GAP43: variants seen among roughly 807,000 people sequenced by gnomAD.
The protein encoded by GAP43 is neuromodulin.
In GAP43, 6 loss-of-function variants were observed where a neutral mutation model predicts 18.6. The ratio of observed to expected loss-of-function variants is 0.32; its 90% CI spans 0.18 to 0.64. The LOEUF (loss-of-function observed/expected upper bound fraction) is 0.64, where lower values mean the gene tolerates loss of function less well. GAP43 is among the 30% of genes least tolerant of loss of function. The probability of loss-of-function intolerance (pLI) is 0.78; values close to 1 mark genes in which losing one functional copy is unlikely to be tolerated. For synonymous variants in GAP43, 115 were observed against 111.4 expected (o/e 1.03, Z -0.20); for missense variants, 292 against 295.5 (o/e 0.99, Z 0.09).
chr3:115,703,454 T>C (rs561525388), intron 2 of GAP43, among the ~76,000 whole-genome samples: 7 of 152,054 alleles, frequency 4.6e-5, no homozygotes, highest in Non-Finnish European at 1.5e-5. Context: ...TGGAATAATT[T>C]ACAGAAGAGC....
At chr3:115,681,774 T>A (rs1708960938) in intron 2 of GAP43, among the ~76,000 whole-genome samples, 1 of 152,236 alleles carries the variant, frequency 6.6e-6, no homozygotes, top group Non-Finnish European at 1.5e-5. Context: ...TTAATCATCA[T>A]AACCACTCTG....
chr3:115,633,234 G>A (rs1306081351), intron 1 of GAP43, among the ~76,000 whole-genome samples: 1 of 151,996 alleles, frequency 6.6e-6, no homozygotes, highest in African/African-American at 2.4e-5. Context: ...GGGAGAGAGG[G>A]ACAGAGGGAG....
At chr3:115,625,277 T>C (rs565762284) in intron 1 of GAP43, among the ~76,000 whole-genome samples, 1 of 143,724 alleles carries the variant, frequency 7.0e-6, no homozygotes, top group Non-Finnish European at 1.5e-5. Flanking sequence ...AAAAGTCGGA[T>C]AGTGGGGGAT....
intron 2 of GAP43, among the ~76,000 whole-genome samples, chr3:115,693,532 A>G (rs920553254): frequency 2.6e-5 from 4 of 152,134 alleles, no homozygotes; most frequent in African/African-American, 4.8e-5. Flanking sequence ...AGGAAAGCAC[A>G]TTGATATTCA....
chr3:115,663,777 C>T (rs1255650688), intron 1 of GAP43: 8 of 1,551,558 alleles, frequency 5.2e-6, no homozygotes, highest in East Asian at 2.4e-5. Context: ...CAGACACTGG[C>T]GATGACAAAG....
chr3:115,683,143 GCGCGCACA>G (rs754918477), intron 2 of GAP43, among the ~76,000 whole-genome samples: 1,262 of 126,058 alleles, frequency 0.01, 7 homozygotes, highest in Admixed American at 0.016. Context: ...GTGCGCGCGC[GCGCGCACA>G]CACACACACA....
At chr3:115,679,455 T>A (rs1708933819) in intron 2 of GAP43, among the ~76,000 whole-genome samples, 1 of 152,212 alleles carries the variant, frequency 6.6e-6, no homozygotes, top group South Asian at 2.1e-4. Flanking sequence ...TCTCCCTAGT[T>A]TGCCACGCTG....
chr3:115,674,475 A>G (rs1708855517), intron 1 of GAP43, among the ~76,000 whole-genome samples: 1 of 152,222 alleles, frequency 6.6e-6, no homozygotes, highest in Non-Finnish European at 1.5e-5. Context: ...TGCAGCATAT[A>G]TTAGGCTACA....
intron 2 of GAP43, among the ~76,000 whole-genome samples, chr3:115,716,702 C>A (rs1313403381): frequency 1.0e-5 from 1 of 98,794 alleles, no homozygotes; most frequent in Non-Finnish European, 1.9e-5. Context: ...TAAAAAATTA[C>A]TTTAATCTCA....
chr3:115,655,849 G>A (rs894967787), intron 1 of GAP43, among the ~76,000 whole-genome samples: 3 of 152,168 alleles, frequency 2.0e-5, no homozygotes, highest in African/African-American at 7.2e-5. Context: ...GAACTACCCA[G>A]GAGGATCAAA....
At chr3:115,642,395 G>A (rs529212183) in intron 1 of GAP43, among the ~76,000 whole-genome samples, 3 of 150,446 alleles carry the variant, frequency 2.0e-5, no homozygotes, top group East Asian at 2.0e-4. Context: ...GCTGGGTACT[G>A]GAAATACAGA....
At chr3:115,660,428 C>CTT (rs1278951698) in intron 1 of GAP43, among the ~76,000 whole-genome samples, 1 of 152,210 alleles carries the variant, frequency 6.6e-6, no homozygotes, top group African/African-American at 2.4e-5. Context: ...CAAACTTACA[C>CTT]TTTGAATGTT....
chr3:115,629,850 TAGG>T (rs1321994517), intron 1 of GAP43, among the ~76,000 whole-genome samples: 2 of 152,182 alleles, frequency 1.3e-5, no homozygotes, highest in African/African-American at 4.8e-5. Flanking sequence ...ATAGAATCAC[TAGG>T]AGATTTTTAA....
At chr3:115,645,189 G>T (rs77710983) in intron 1 of GAP43, among the ~76,000 whole-genome samples, 4,360 of 152,044 alleles carry the variant, frequency 0.029, 168 homozygotes, top group South Asian at 0.13. Flanking sequence ...AGGATATAGG[G>T]TAAATATATG....
rs569626273 is a variant in GAP43, at chr3:115,694,869, A to G, written c.628+18259A>G. On this transcript the variant is annotated intron_variant, in intron 2 of 2. Coordinates refer to ENST00000305124, the MANE Select transcript of GAP43 (RefSeq NM_002045.4). ...TATTCATGTCATGATTGGGTTTCCA[A>G]TGGGAAAGATCTGGGATATAATAAA... Among the ~76,000 whole-genome samples the G allele has an allele frequency of 1.2e-3, 179 of 152,348 alleles. 1 individual carries two copies. Among genetic ancestry groups the G allele is most frequent in the African/African-American group, 3.8e-3 (156 of 41,586 alleles).
At chr3:115,643,624 A>T (rs1410956404) in intron 1 of GAP43, among the ~76,000 whole-genome samples, 1 of 151,974 alleles carries the variant, frequency 6.6e-6, no homozygotes, top group Non-Finnish European at 1.5e-5. Context: ...CCTCTTCAGG[A>T]TTCTACTCAA....
intron 1 of GAP43, among the ~76,000 whole-genome samples, chr3:115,626,305 G>A (rs1361421686): frequency 1.3e-5 from 2 of 152,190 alleles, no homozygotes; most frequent in Non-Finnish European, 2.9e-5. Context: ...CAGAAACGTG[G>A]GAGGGGGGCT....
intron 1 of GAP43, among the ~76,000 whole-genome samples, chr3:115,655,593 G>A (rs1369592135): frequency 6.6e-6 from 1 of 152,152 alleles, no homozygotes; most frequent in Non-Finnish European, 1.5e-5. Context: ...CAGGGATCTA[G>A]TGTCTGCCTG....
chr3:115,670,769 TA>T lies in GAP43; in HGVS notation c.31-5243del, dbSNP rs559908898. ...TATCAACACTTTATTCTGGTTCCTT[TA>T]CAGGCTGTAGAAGATTCTGATAGGC... On this transcript the variant is annotated intron_variant, in intron 1 of 2. Coordinates refer to ENST00000305124, the MANE Select transcript of GAP43 (RefSeq NM_002045.4). 2.0e-4 allele frequency among the ~76,000 whole-genome samples: 30 copies of T among 152,324 alleles called. No homozygotes were observed. In the East Asian group the frequency reaches 5.8e-3, roughly 29 times the overall value.
Sources: allele counts gnomAD v4.1 joint callset (sites outside exome capture counted in the v4.1 genomes callset), GRCh38; gene constraint gnomAD v4.1.1; transcripts MANE v1.5; gene names NCBI Gene and HGNC (gene_info 2026-07-23, HGNC 2026-07-21).